The following BABAM2 variants were observed in gnomAD, a reference collection of about 807,000 sequenced individuals.
BABAM2 encodes the protein BRISC and BRCA1 A complex member 2, also known as BRISC and BRCA1-A complex member 2.
Under a neutral mutation model 54.7 loss-of-function variants are expected in BABAM2, and 31 were observed. The ratio of observed to expected loss-of-function variants is 0.57; its 90% CI spans 0.43 to 0.77. The LOEUF (loss-of-function observed/expected upper bound fraction) is 0.77. Ranked by LOEUF, BABAM2 falls within the 30% of genes least tolerant of loss-of-function variation. BABAM2 has a pLI of 0.00. For missense variants in BABAM2, 364 were observed against 455.8 expected, an observed-to-expected ratio of 0.80 and a Z score of 1.83; for synonymous variants, 167 against 162.9, an observed-to-expected ratio of 1.03 and a Z score of -0.19.
intron 6 of BABAM2, among the ~76,000 whole-genome samples, chr2:28,062,599 A>C (rs1292632167): frequency 1.3e-5 from 2 of 151,372 alleles, no homozygotes; most frequent in Non-Finnish European, 2.9e-5. Context: ...ACATATTTCC[A>C]GGATTGTTAC....
At chr2:28,160,653 T>C (rs1672985604) in intron 7 of BABAM2, among the ~76,000 whole-genome samples, 1 of 151,546 alleles carries the variant, frequency 6.6e-6, no homozygotes, top group South Asian at 2.1e-4. Context: ...TTTTTAGCAC[T>C]AGCATCTAGC....
At chr2:27,959,509 C>A (rs1670316268) in intron 3 of BABAM2, among the ~76,000 whole-genome samples, 1 of 151,668 alleles carries the variant, frequency 6.6e-6, no homozygotes, top group African/African-American at 2.4e-5. Context: ...CACTTTTAAT[C>A]TCTGTCACAT....
intron 7 of BABAM2, among the ~76,000 whole-genome samples, chr2:28,231,750 GT>G (rs1681407198): frequency 1.5e-5 from 2 of 131,500 alleles, no homozygotes; most frequent in South Asian, 5.2e-4. Context: ...ACTCTAATTG[GT>G]ACTCTAACCA....
intron 5 of BABAM2, among the ~76,000 whole-genome samples, chr2:28,035,957 T>G (rs1301653382): frequency 6.6e-6 from 1 of 152,190 alleles, no homozygotes; most frequent in Non-Finnish European, 1.5e-5. Flanking sequence ...AAAGATCTTA[T>G]TTTCAGGAAG....
At chr2:28,274,676 A>G (rs1013730227) in intron 10 of BABAM2, among the ~76,000 whole-genome samples, 2 of 152,116 alleles carry the variant, frequency 1.3e-5, no homozygotes, top group African/African-American at 4.8e-5. Flanking sequence ...TTTGTTATGC[A>G]CAGCGCCTGG....
chr2:28,151,077 G>C (rs77850701), intron 7 of BABAM2, among the ~76,000 whole-genome samples: 335 of 152,248 alleles, frequency 2.2e-3, no homozygotes, highest in Non-Finnish European at 4.0e-3. Context: ...GATGGATGAA[G>C]TGCACTGAGG....
chr2:28,196,446 C>A (rs567674351), intron 7 of BABAM2, among the ~76,000 whole-genome samples: 10 of 152,220 alleles, frequency 6.6e-5, no homozygotes, highest in African/African-American at 2.4e-4. Flanking sequence ...ACTCACTCTG[C>A]CATTAACGTG....
chr2:28,101,330 G>A (rs979482091), intron 6 of BABAM2, among the ~76,000 whole-genome samples: 1 of 152,078 alleles, frequency 6.6e-6, no homozygotes, highest in African/African-American at 2.4e-5. Flanking sequence ...TATGGCTGCC[G>A]AACCTATGAC....
rs1311344003 is a variant in BABAM2, at chr2:28,112,090, T to TTTCTTTCTTTCTTTCC, written c.571-17166_571-17165insCTTCTTTCTTTCTTTC. On this transcript the variant is annotated intron_variant, in intron 6 of 11. Coordinates refer to ENST00000379624, the MANE Select transcript of BABAM2 (RefSeq NM_199191.3). ...TTCTTGAGATACCCATTACTCTTTC[T>TTTCTTTCTTTCTTTCC]TTCTTTCTTTCTTTCTTTCTTTCTT... Among the ~76,000 whole-genome samples, 20 of 5,940 alleles carry TTTCTTTCTTTCTTTCC rather than the reference T, an allele frequency of 3.4e-3. 1 individual carries two copies. Among genetic ancestry groups the TTTCTTTCTTTCTTTCC allele is most frequent in the African/African-American group, 0.014 (20 of 1,424 alleles). 3.9% of individuals were successfully genotyped at this position (5,940 alleles called of 152,430 possible).
At chr2:28,115,508 C>T (rs1473354765) in intron 6 of BABAM2, among the ~76,000 whole-genome samples, 1 of 151,990 alleles carries the variant, frequency 6.6e-6, no homozygotes, top group Non-Finnish European at 1.5e-5. Flanking sequence ...CGCCTGTAGT[C>T]CCAGCTACTC....
intron 6 of BABAM2, among the ~76,000 whole-genome samples, chr2:28,058,927 G>C (rs1332668677): frequency 6.6e-6 from 1 of 152,184 alleles, no homozygotes; most frequent in Non-Finnish European, 1.5e-5. Flanking sequence ...CTCCTTCACT[G>C]TGGATGGTTT....
In BABAM2 at chr2:28,213,162, G is replaced by A. The variant is rs887366026; in HGVS notation, c.681-24040G>A. Reference sequence around the variant, plus strand: ...GGATCACTTGAGCCCAGGACATGGAGGTTGCTGTGAGCCCAGATCATGCTA... The same window carrying A: ...GGATCACTTGAGCCCAGGACATGGAAGTTGCTGTGAGCCCAGATCATGCTA... On this transcript the variant is annotated intron_variant, in intron 7 of 11. Coordinates refer to ENST00000379624, the MANE Select transcript of BABAM2 (RefSeq NM_199191.3). 2.6e-5 allele frequency among the ~76,000 whole-genome samples: 4 copies of A among 152,278 alleles called. No individual in the cohort carries two copies. In the South Asian group the frequency reaches 8.3e-4, roughly 32 times the overall value.
At chr2:28,239,752 A>T (rs907051734) in intron 8 of BABAM2, among the ~76,000 whole-genome samples, 3 of 152,232 alleles carry the variant, frequency 2.0e-5, no homozygotes. Context: ...ATCATTTTGC[A>T]GTCCCTAATG....
chr2:27,958,694 A>G (rs1670264269), intron 3 of BABAM2, among the ~76,000 whole-genome samples: 1 of 152,130 alleles, frequency 6.6e-6, no homozygotes, highest in African/African-American at 2.4e-5. Flanking sequence ...TGAAGATGGT[A>G]TAGATGACTG....
At chr2:28,111,943 G>A (rs929004987) in intron 6 of BABAM2, among the ~76,000 whole-genome samples, 3 of 151,990 alleles carry the variant, frequency 2.0e-5, no homozygotes, top group South Asian at 2.1e-4. Flanking sequence ...TCTGAAAACC[G>A]GAAGAGGTAG....
chr2:28,099,962 T>G (rs2148706531), intron 6 of BABAM2, among the ~76,000 whole-genome samples: 1 of 152,276 alleles, frequency 6.6e-6, no homozygotes, highest in African/African-American at 2.4e-5. Flanking sequence ...TAACGTATAG[T>G]CTTGATTTAA....
At chr2:27,977,392 A>G (rs1671678556) in intron 3 of BABAM2, among the ~76,000 whole-genome samples, 1 of 152,192 alleles carries the variant, frequency 6.6e-6, no homozygotes, top group Non-Finnish European at 1.5e-5. Flanking sequence ...TAAATAGGTA[A>G]ATCTAGCGAT....
At chr2:27,943,355 A>C (rs1669069720) in intron 3 of BABAM2, among the ~76,000 whole-genome samples, 1 of 152,216 alleles carries the variant, frequency 6.6e-6, no homozygotes, top group Admixed American at 6.5e-5. Flanking sequence ...CTCAGCTAAC[A>C]ACAAGCCAAG....
chr2:28,192,380 G>A (rs1169317900), intron 7 of BABAM2, among the ~76,000 whole-genome samples: 1 of 151,810 alleles, frequency 6.6e-6, no homozygotes, highest in Non-Finnish European at 1.5e-5. Context: ...CACCAACATG[G>A]CACATTTATA....
Sources: allele counts gnomAD v4.1 joint callset (sites outside exome capture counted in the v4.1 genomes callset), GRCh38; gene constraint gnomAD v4.1.1; transcripts MANE v1.5; gene names NCBI Gene and HGNC (gene_info 2026-07-23, HGNC 2026-07-21).